Variants in ZNF461 observed in about 807,000 individuals in gnomAD.
ZNF461 encodes zinc finger protein 461.
ZNF461 carries 16 observed loss-of-function variants against 18.3 expected under a neutral mutation model. That is an observed-to-expected ratio of 0.88 (90% CI 0.59 to 1.33). The LOEUF is 1.33. ZNF461 is among the 40% of genes most tolerant of loss of function. The probability of loss-of-function intolerance (pLI) is 0.00; values close to 1 mark genes in which losing one functional copy is unlikely to be tolerated. For missense variants in ZNF461, 595 were observed against 669.9 expected, an observed-to-expected ratio of 0.89 and a Z score of 1.23; for synonymous variants, 179 against 216.9, an observed-to-expected ratio of 0.83 and a Z score of 1.54.
intron 2 of ZNF461, among the ~76,000 whole-genome samples, chr19:36,662,347 G>A (rs940811751): frequency 9.2e-5 from 14 of 151,636 alleles, no homozygotes; most frequent in Non-Finnish European, 1.3e-4. Context: ...TATCCTCCCC[G>A]CCGGGTTCAA....
chr19:36,638,340 T>G lies in ZNF461; in HGVS notation c.*313A>C. The G allele has an allele frequency of 4.5e-6, 1 of 220,324 alleles. No individual in the cohort carries two copies. The allele number at this position is 220,324 out of a possible 1,614,324, so 13.6% of individuals were successfully genotyped here. A position where few individuals can be genotyped will look rare whatever the true frequency, so the allele number is the denominator to read the frequency against. ...ATACACATACTGGTTATCTCAGAGA[T>G]TTGAGGGAAGGGAGGAAATTGTTTT... On this transcript the variant is annotated 3_prime_UTR_variant, in exon 6 of 6. Coordinates refer to ENST00000588268, the MANE Select transcript of ZNF461 (RefSeq NM_153257.5).
intron 4 of ZNF461, among the ~76,000 whole-genome samples, chr19:36,646,108 GTTGTTGTTGTTA>G (rs913478904): frequency 5.2e-3 from 48 of 9,222 alleles, no homozygotes; most frequent in African/African-American, 0.02. Flanking sequence ...TGTTGTTGTT[GTTGTTGTTGTTA>G]TTGTTGTTGT....
chr19:36,660,305 G>A (rs536249967), intron 2 of ZNF461, among the ~76,000 whole-genome samples: 14 of 151,494 alleles, frequency 9.2e-5, no homozygotes, highest in Middle Eastern at 3.4e-3. Flanking sequence ...GCACACCACC[G>A]CACCCGGCTA....
intron 2 of ZNF461, among the ~76,000 whole-genome samples, 185 bp downstream of exon 2, chr19:36,664,513 G>C (rs1771575633): frequency 6.6e-6 from 1 of 151,946 alleles, no homozygotes; most frequent in South Asian, 2.1e-4. Flanking sequence ...GCCTGAACCT[G>C]GGAGGTGGAG....
intron 4 of ZNF461, among the ~76,000 whole-genome samples, chr19:36,650,953 C>T (rs186901431): frequency 6.2e-4 from 94 of 150,764 alleles, no homozygotes; most frequent in Non-Finnish European, 7.4e-5. Context: ...TAGAGCTGGC[C>T]GGGCGTGGTG....
At position 36,638,490 on chromosome 19, in the gene ZNF461, C is replaced by A; in HGVS notation, c.*163G>T. 1.8e-6 allele frequency: 1 copy of A among 550,436 alleles called. No individual in the cohort carries two copies. Among genetic ancestry groups the A allele is most frequent in the Non-Finnish European group, 3.1e-6 (1 of 323,852 alleles). The allele number at this position is 550,436 out of a possible 1,614,324, so 34.1% of individuals were successfully genotyped here. A position where few individuals can be genotyped will look rare whatever the true frequency, so the allele number is the denominator to read the frequency against. ...GGTTAATACAATAACTCAGAAACAG[C>A]ATTAAAATGAGACCAAAATTTACAC... On this transcript the variant is annotated 3_prime_UTR_variant, in exon 6 of 6. Transcript: ENST00000588268.
At chr19:36,640,962 TG>T (rs749886110) in intron 5 of ZNF461, among the ~76,000 whole-genome samples, 2 of 152,226 alleles carry the variant, frequency 1.3e-5, no homozygotes, top group East Asian at 1.9e-4. Flanking sequence ...AATCTCATTT[TG>T]AGTCCAATTC....
chr19:36,652,600 A>G (rs2037648596), intron 4 of ZNF461, among the ~76,000 whole-genome samples: 3 of 152,226 alleles, frequency 2.0e-5, no homozygotes, highest in South Asian at 4.1e-4. Flanking sequence ...ACGTGACACT[A>G]AATACACATA....
intron 2 of ZNF461, 171 bp from the exon 3 acceptor site, chr19:36,658,596 C>T: frequency 1.0e-5 from 6 of 585,878 alleles, no homozygotes; most frequent in Non-Finnish European, 1.7e-5. Flanking sequence ...GCGGAGTGCC[C>T]ATATGTTCTT....
In ZNF461 at chr19:36,638,995, A is replaced by G. The variant is rs1260482728; in HGVS notation, c.1350T>C (p.Phe450=). The G allele has an allele frequency of 6.2e-7, 1 of 1,614,134 alleles. No homozygotes were observed. The highest frequency in any genetic ancestry group is 1.1e-5 in the South Asian group (1 of 91,078). The change falls in exon 6 of 6, where the codon TTT becomes TTC. Residue 450 remains phenylalanine (F), a synonymous_variant. Coordinates refer to ENST00000588268, the MANE Select transcript of ZNF461 (RefSeq NM_153257.5). ...PYECKECGKT[F]RQCSHLKRHQ... ...GTCTTTTGAGGTGTGAACACTGTCT[A>G]AAAGTCTTCCCACATTCCTTACACT...
rs369599167 is a variant in ZNF461 at position 36,664,727 on chromosome 19, G to A, written c.-21C>T. ...GCCATGTCTTATTTTAGAATTGAAT[G>A]TATTATTTAATCCTCTTCTTCGTTC... is the stretch of plus-strand genomic sequence containing the variant. On this transcript the variant is annotated 5_prime_UTR_variant, in exon 2 of 6. Coordinates refer to ENST00000588268, the MANE Select transcript of ZNF461 (RefSeq NM_153257.5). The A allele has an allele frequency of 4.0e-5, 59 of 1,485,294 alleles. No individual in the cohort carries two copies. The highest frequency in any genetic ancestry group is 4.9e-5 in the Non-Finnish European group (55 of 1,120,756). 92.0% of individuals were successfully genotyped at this position (1,485,294 alleles called of 1,614,324 possible).
chr19:36,657,480 C>CA (rs1241018643), intron 3 of ZNF461, among the ~76,000 whole-genome samples: 12 of 140,800 alleles, frequency 8.5e-5, no homozygotes, highest in Admixed American at 2.2e-4. Flanking sequence ...AACTCTGTCT[C>CA]AAAAAAAAAT....
chr19:36,656,634 G>C (rs2037725666), intron 3 of ZNF461, 91 bp from the exon 4 acceptor site: 1 of 1,017,582 alleles, frequency 9.8e-7, no homozygotes, highest in Admixed American at 2.5e-5. Context: ...ATAAATCACA[G>C]ATAAAAATGG....
chr19:36,638,979 G>T lies in ZNF461; in HGVS notation c.1366C>A (p.Leu456Ile). ...CGKTFRQCSHLKRHQRIHTGE... is the reference protein window; with the variant it reads ...CGKTFRQCSHIKRHQRIHTGE... Reference sequence around the variant, plus strand: ...GTATGAATTCTCTGATGTCTTTTGAGGTGTGAACACTGTCTAAAAGTCTTC... The same window carrying T: ...GTATGAATTCTCTGATGTCTTTTGATGTGTGAACACTGTCTAAAAGTCTTC... Residue 456 changes from leucine to isoleucine, a missense_variant, in exon 6 of 6, where the codon CTC (leucine) becomes ATC (isoleucine). Coordinates refer to ENST00000588268, the MANE Select transcript of ZNF461 (RefSeq NM_153257.5). The T allele has an allele frequency of 6.2e-7, 1 of 1,613,528 alleles. No individual in the cohort carries two copies. Among genetic ancestry groups the T allele is most frequent in the Non-Finnish European group, 8.5e-7 (1 of 1,179,874 alleles).
intron 1 of ZNF461, among the ~76,000 whole-genome samples, chr19:36,666,306 C>A (rs1449890205): frequency 6.6e-6 from 1 of 151,948 alleles, no homozygotes; most frequent in East Asian, 1.9e-4. Context: ...GTTGGCCAGG[C>A]TGGTATCGAA....
intron 2 of ZNF461, among the ~76,000 whole-genome samples, chr19:36,660,307 A>T (rs979429870): frequency 2.0e-5 from 3 of 151,110 alleles, no homozygotes; most frequent in African/African-American, 7.3e-5. Flanking sequence ...ACACCACCGC[A>T]CCCGGCTAGT....
intron 4 of ZNF461, among the ~76,000 whole-genome samples, chr19:36,652,521 C>G (rs1395637774): frequency 2.7e-5 from 4 of 145,618 alleles, no homozygotes; most frequent in African/African-American, 7.5e-5. Context: ...AAAACAAAAA[C>G]TATAAAATTT....
intron 4 of ZNF461, among the ~76,000 whole-genome samples, chr19:36,655,794 T>C (rs2037705615): frequency 6.6e-6 from 1 of 152,170 alleles, no homozygotes; most frequent in Non-Finnish European, 1.5e-5. Flanking sequence ...TAGAGTTTTA[T>C]TGCTTTAGCT....
Position 36,638,527 on chromosome 19 carries a change from ACTTT to A in ZNF461, c.*122_*125del. ...ACCAAAATTTACACTTTAGTTATCC[ACTTT>A]CTCACTTAAAAACATTTGATTTTCA... On this transcript the variant is annotated 3_prime_UTR_variant, in exon 6 of 6. Transcript: ENST00000588268. 3 of 748,784 alleles carry A rather than the reference ACTTT, an allele frequency of 4.0e-6. No individual in the cohort carries two copies. The highest frequency in any genetic ancestry group is 6.1e-6 in the Non-Finnish European group (3 of 493,098). 46.4% of individuals were successfully genotyped at this position (748,784 alleles called of 1,614,324 possible). A position where few individuals can be genotyped will look rare whatever the true frequency, so the allele number is the denominator to read the frequency against.
Sources: gnomAD v4.1 joint callset for allele counts (sites outside exome capture counted in the v4.1 genomes callset) on GRCh38, gnomAD v4.1.1 for gene constraint, MANE v1.5 for transcripts, NCBI Gene and HGNC (gene_info 2026-07-23, HGNC 2026-07-21) for gene names.